The following HERC2 variants were observed in gnomAD, a reference collection of about 807,000 sequenced individuals.
HERC2 encodes the protein E3 ubiquitin-protein ligase HERC2.
A neutral mutation model predicts 537.7 loss-of-function variants in HERC2; 102 were observed. That is an observed-to-expected ratio of 0.19 (90% CI 0.16 to 0.22). The LOEUF is 0.22. Ranked by LOEUF, HERC2 falls within the 10% of genes least tolerant of loss-of-function variation. HERC2 has a pLI of 1.00. For missense variants in HERC2, 4,236 were observed against 6,198.2 expected, an observed-to-expected ratio of 0.68 and a Z score of 10.63; for synonymous variants, 2,224 against 2,466.2, an observed-to-expected ratio of 0.90 and a Z score of 2.91.
At chr15:28,249,713 C>G (rs1280854309) in intron 20 of HERC2, among the ~76,000 whole-genome samples, 1 of 152,092 alleles carries the variant, frequency 6.6e-6, no homozygotes, top group East Asian at 1.9e-4. Flanking sequence ...GTGACATGAT[C>G]TCAGCTCACT....
intron 26 of HERC2, among the ~76,000 whole-genome samples, chr15:28,235,857 C>A (rs1311537192): frequency 6.6e-6 from 1 of 152,150 alleles, no homozygotes; most frequent in Non-Finnish European, 1.5e-5. Context: ...AAGCTGCTCA[C>A]ACGGATGGAC....
intron 86 of HERC2, among the ~76,000 whole-genome samples, chr15:28,119,178 C>G (rs776475518): frequency 2.6e-5 from 4 of 151,912 alleles, no homozygotes; most frequent in Non-Finnish European, 4.4e-5. Flanking sequence ...AGTGGATCAC[C>G]TGCAGTCAGG....
At chr15:28,188,080 G>A (rs999762448) in intron 55 of HERC2, among the ~76,000 whole-genome samples, 4 of 151,998 alleles carry the variant, frequency 2.6e-5, no homozygotes, top group African/African-American at 9.7e-5. Context: ...TATGAAGAAT[G>A]CTACAGGAAA....
At chr15:28,296,010 CCT>C (rs2076459626) in intron 3 of HERC2, among the ~76,000 whole-genome samples, 1 of 151,656 alleles carries the variant, frequency 6.6e-6, no homozygotes, top group African/African-American at 2.4e-5. Context: ...ATTCTGAGAC[CCT>C]GTCTCAGAAA....
intron 79 of HERC2, among the ~76,000 whole-genome samples, chr15:28,133,064 C>T (rs1460174166): frequency 1.3e-5 from 2 of 151,702 alleles, no homozygotes; most frequent in Non-Finnish European, 2.9e-5. Flanking sequence ...ACCACACATA[C>T]TGGGTCAAGT....
intron 77 of HERC2, 27 bp downstream of exon 77, chr15:28,141,704 A>T (rs746758216): frequency 6.2e-7 from 1 of 1,611,516 alleles, no homozygotes; most frequent in South Asian, 1.1e-5. Context: ...CACGATCGAC[A>T]TTACTGCTTG....
chr15:28,182,555 T>A, intron 56 of HERC2, 43 bp from the exon 57 acceptor site: 1 of 1,415,132 alleles, frequency 7.1e-7, no homozygotes. Flanking sequence ...AGAGAGGTTA[T>A]TCAGCATAAA....
In HERC2 at chr15:28,220,522, G is replaced by A. The variant is rs911953327; in HGVS notation, c.5775C>T (p.Asp1925=). The change falls in exon 37 of 93, where the codon GAC becomes GAT. Residue 1925 remains aspartate, a synonymous_variant. Transcript: ENST00000261609. ...SYRMGKEGKY[D]LKLAELPAAA... is the part of the protein sequence containing the mutation. ...CAGCCGGCAGCTCTGCCAGCTTGAGGTCGTATTTTCCTTCTTTCCCCATCC... is the reference window on the plus strand; with the variant it reads ...CAGCCGGCAGCTCTGCCAGCTTGAGATCGTATTTTCCTTCTTTCCCCATCC... 1 of 1,602,238 alleles carries A rather than the reference G, an allele frequency of 6.2e-7. No individual in the cohort carries two copies. Among genetic ancestry groups the A allele is most frequent in the Non-Finnish European group, 8.5e-7 (1 of 1,179,794 alleles).
intron 23 of HERC2, among the ~76,000 whole-genome samples, chr15:28,243,042 G>GTGCAATAA (rs1280800413): frequency 3.9e-5 from 6 of 152,194 alleles, no homozygotes; most frequent in Non-Finnish European, 8.8e-5. Context: ...ATGCACTACA[G>GTGCAATAA]GTCCTAGCAA....
chr15:28,126,184 T>C (rs566334831), intron 83 of HERC2, among the ~76,000 whole-genome samples: 19 of 152,344 alleles, frequency 1.2e-4, no homozygotes, highest in Non-Finnish European at 1.5e-4. Flanking sequence ...GGAACACTTA[T>C]ACTGCTGGTG....
Position 28,176,924 on chromosome 15 carries a change from C to A in HERC2, c.9432+26G>T, listed in dbSNP as rs754265402. 10 of 1,599,990 alleles carry A rather than the reference C, an allele frequency of 6.3e-6. No individual in the cohort carries two copies. Among genetic ancestry groups the A allele is most frequent in the Non-Finnish European group, 8.5e-6 (10 of 1,170,200 alleles). On this transcript the variant is annotated intron_variant, in intron 61 of 92. Coordinates refer to ENST00000261609, the MANE Select transcript of HERC2 (RefSeq NM_004667.6). The surrounding 1 kb of genome is among the most constrained non-coding windows in gnomAD (Gnocchi z 5.0). ...ACATCTTCAGATGGTAAGCTTTCTG[C>A]AAGCAACAAAAATGCGTATAATCAC...
chr15:28,178,556 G>C lies in HERC2; in HGVS notation c.9163+331C>G, dbSNP rs528913711. Among the ~76,000 whole-genome samples, 7 of 151,764 alleles carry C rather than the reference G, an allele frequency of 4.6e-5. No individual in the cohort carries two copies. The East Asian group carries it at 9.9e-4, about 21-fold the overall frequency. On this transcript the variant is annotated intron_variant, in intron 59 of 92. Coordinates refer to ENST00000261609, the MANE Select transcript of HERC2 (RefSeq NM_004667.6). ...GTTCCATTCCTCAGAGGCCTAGCAC[G>C]GTGCCTCCAAAATAAACACTCCCTA...
At chr15:28,250,406 G>A (rs1904189350) in intron 20 of HERC2, among the ~76,000 whole-genome samples, 1 of 152,076 alleles carries the variant, frequency 6.6e-6, no homozygotes. Flanking sequence ...AATCTAACAT[G>A]TATGCTACAC....
chr15:28,253,692 T>A (rs1212955926), intron 20 of HERC2, among the ~76,000 whole-genome samples: 1 of 152,252 alleles, frequency 6.6e-6, no homozygotes, highest in African/African-American at 2.4e-5. Context: ...CCGGGAACAG[T>A]GGCTTACGCC....
chr15:28,240,479 C>T (rs1902988272), intron 23 of HERC2, among the ~76,000 whole-genome samples: 2 of 151,984 alleles, frequency 1.3e-5, no homozygotes, highest in African/African-American at 4.8e-5. Context: ...ATCAAAAATA[C>T]AGAGAAGTAT....
chr15:28,128,288 G>C (rs1419211666), intron 83 of HERC2, among the ~76,000 whole-genome samples: 1 of 152,194 alleles, frequency 6.6e-6, no homozygotes, highest in East Asian at 1.9e-4. Context: ...GCGGGGTGGG[G>C]GAGTGTGAAC....
rs200371467 is a variant in HERC2 at position 28,222,200 on chromosome 15, T to C, written c.5480A>G (p.Asn1827Ser). The stretch of plus-strand genomic sequence containing the variant: ...AGAAGCATTCATATCTTCCTCAACG[T>C]TGTCACAACTGGGGCCTGATGGAGC... ...ALRLIGPSCD[N>S]VEEDMNASAQ... Residue 1827 changes from asparagine (N) to serine (S), a missense_variant, in exon 36 of 93, where the codon AAC (asparagine) becomes AGC (serine). This residue lies in a region of HERC2 where 343 missense variants were observed against 417.2 expected (regional missense o/e 0.82). Coordinates refer to ENST00000261609, the MANE Select transcript of HERC2 (RefSeq NM_004667.6). 1.2e-4 allele frequency: 191 copies of C among 1,593,470 alleles called. No homozygotes were observed. Among genetic ancestry groups the C allele is most frequent in the Non-Finnish European group, 8.1e-5 (95 of 1,176,434 alleles).
chr15:28,256,226 A>C lies in HERC2; in HGVS notation c.2609T>G (p.Val870Gly). 5.0e-6 allele frequency: 8 copies of C among 1,599,922 alleles called. No homozygotes were observed. Among genetic ancestry groups the C allele is most frequent in the Non-Finnish European group, 6.8e-6 (8 of 1,179,890 alleles). ...CACGCCCGCACTGCTGGCCAGGGTC[A>C]CCACCGTCTGCTTCAGGCTGTTCAG... Reference protein sequence around the residue: ...ILLNSLKQTVVTLASSAGVLS... With the variant: ...ILLNSLKQTVGTLASSAGVLS... The change falls in exon 18 of 93, where the codon GTG becomes GGG. Residue 870 changes from valine to glycine, a missense_variant. This residue lies in a region of HERC2 where 754 missense variants were observed against 1,085.0 expected (regional missense o/e 0.69). Transcript: ENST00000261609.
chr15:28,296,227 A>G (rs2076465503), intron 3 of HERC2, among the ~76,000 whole-genome samples: 1 of 152,046 alleles, frequency 6.6e-6, no homozygotes, highest in African/African-American at 2.4e-5. Context: ...TGTAAACCCC[A>G]CACTTTGGGA....
Sources: allele counts gnomAD v4.1 joint callset (sites outside exome capture counted in the v4.1 genomes callset), GRCh38; gene constraint gnomAD v4.1.1; regional missense constraint gnomAD v4.1.1; non-coding constraint Gnocchi (gnomAD v3.1); transcripts MANE v1.5; gene names NCBI Gene and HGNC (gene_info 2026-07-23, HGNC 2026-07-21).